The following VIT variants were observed in gnomAD, a reference collection of about 807,000 sequenced individuals.
VIT encodes the protein vitrin.
Under a neutral mutation model 78.0 loss-of-function variants are expected in VIT, and 99 were observed. That is an observed-to-expected ratio of 1.27 (90% CI 1.08 to 1.50). VIT has a LOEUF of 1.50. Ranked by LOEUF, VIT falls within the 40% of genes most tolerant of loss-of-function variation. The pLI, the probability that VIT is intolerant of heterozygous loss-of-function variation, is 0.00. For missense variants in VIT, 1,126 were observed against 875.3 expected (o/e 1.29, Z -3.61); for synonymous variants, 374 against 334.3 (o/e 1.12, Z -1.29).
chr2:36,725,149 G>A (rs11889084), intron 2 of VIT, among the ~76,000 whole-genome samples: 2 of 152,036 alleles, frequency 1.3e-5, no homozygotes, highest in African/African-American at 2.4e-5. Context: ...TCTCTTTCAT[G>A]TTTCTGTTCT....
At chr2:36,749,717 TG>T (rs1668344249) in intron 4 of VIT, among the ~76,000 whole-genome samples, 1 of 152,238 alleles carries the variant, frequency 6.6e-6, no homozygotes, top group Non-Finnish European at 1.5e-5. Context: ...AGCTTTGAGA[TG>T]TGACTCGGGA....
chr2:36,787,489 A>C (rs1439956032), intron 12 of VIT, among the ~76,000 whole-genome samples: 6 of 152,236 alleles, frequency 3.9e-5, no homozygotes, highest in Non-Finnish European at 8.8e-5. Flanking sequence ...CAGATTAAAA[A>C]ACACTTGTAA....
intron 3 of VIT, among the ~76,000 whole-genome samples, chr2:36,738,483 G>T (rs1326652282): frequency 6.6e-6 from 1 of 152,100 alleles, no homozygotes; most frequent in African/African-American, 2.4e-5. Context: ...ACAAACTTCT[G>T]CAGCTGCCCC....
At position 36,752,271 on chromosome 2, in the gene VIT, T is replaced by G. The variant is rs1434066256; in HGVS notation, c.276-2650T>G. The stretch of plus-strand genomic sequence containing the variant: ...GAGAGGAGAGATTTCCCTGAGAAGG[T>G]GCAATGAAAAGACCAGCTCCATGCA... On this transcript the variant is annotated intron_variant, in intron 4 of 15. Transcript: ENST00000379242. 9.2e-5 allele frequency among the ~76,000 whole-genome samples: 14 copies of G among 152,230 alleles called. 1 individual carries two copies. Among genetic ancestry groups the G allele is most frequent in the Admixed American group, 9.2e-4 (14 of 15,282 alleles).
At chr2:36,791,797 G>C (rs926632019) in intron 12 of VIT, among the ~76,000 whole-genome samples, 1 of 152,190 alleles carries the variant, frequency 6.6e-6, no homozygotes, top group Admixed American at 6.5e-5. Context: ...GACCCACGTC[G>C]GACTTGGGAC....
At chr2:36,721,222 C>T (rs560821161) in intron 2 of VIT, among the ~76,000 whole-genome samples, 24 of 152,098 alleles carry the variant, frequency 1.6e-4, no homozygotes, top group Non-Finnish European at 2.9e-4. Flanking sequence ...CATTTCACAA[C>T]GTACACATAT....
At chr2:36,786,447 C>T (rs185016674) in intron 11 of VIT, among the ~76,000 whole-genome samples, 1 of 152,192 alleles carries the variant, frequency 6.6e-6, no homozygotes, top group East Asian at 1.9e-4. Flanking sequence ...CATCCCTTTA[C>T]CTCTCTTATA....
intron 13 of VIT, among the ~76,000 whole-genome samples, chr2:36,804,408 G>A (rs1191897157): frequency 6.6e-6 from 1 of 152,204 alleles, no homozygotes; most frequent in East Asian, 1.9e-4. Context: ...CTCACCCCAG[G>A]CTGCAGGGGG....
intron 3 of VIT, among the ~76,000 whole-genome samples, chr2:36,740,331 A>G (rs958176492): frequency 1.3e-5 from 2 of 152,200 alleles, no homozygotes; most frequent in Non-Finnish European, 2.9e-5. Flanking sequence ...CTACCTCACA[A>G]ATAACTGGGA....
chr2:36,777,956 T>C (rs1670170934), intron 9 of VIT, among the ~76,000 whole-genome samples: 1 of 152,124 alleles, frequency 6.6e-6, no homozygotes, highest in South Asian at 2.1e-4. Context: ...AGCAGTTACA[T>C]GTGGACCTGA....
Position 36,808,852 on chromosome 2 carries a change from G to A in VIT, c.1770G>A (p.Gly590=), listed in dbSNP as rs1347229816. The stretch of plus-strand genomic sequence containing the variant: ...ACTGGAGTGGTGGCACCAGCACGGG[G>A]GCTGCCATCAACTTCGCCCTGGAGC... The part of the protein sequence containing the change: ...VGYWSGGTST[G]AAINFALEQL... The change falls in exon 15 of 16, where the codon GGG becomes GGA. Residue 590 remains glycine, a synonymous_variant. Coordinates refer to ENST00000379242, the MANE Select transcript of VIT (RefSeq NM_053276.4). 1 of 1,614,176 alleles carries A rather than the reference G, an allele frequency of 6.2e-7. No homozygotes were observed. The highest frequency in any genetic ancestry group is 8.5e-7 in the Non-Finnish European group (1 of 1,180,030).
At chr2:36,774,556 C>A (rs1669940611) in intron 8 of VIT, 3 of 985,448 alleles carry the variant, frequency 3.0e-6, no homozygotes, top group Non-Finnish European at 3.6e-6. Flanking sequence ...GGATACTCGT[C>A]CACTCTCCAC....
intron 1 of VIT, among the ~76,000 whole-genome samples, chr2:36,704,869 G>A (rs1665313666): frequency 6.6e-6 from 1 of 152,074 alleles, no homozygotes. Flanking sequence ...TATCTCAGCT[G>A]GAAAGTTTTG....
At chr2:36,757,351 C>T (rs1286165908) in intron 5 of VIT, among the ~76,000 whole-genome samples, 1 of 152,210 alleles carries the variant, frequency 6.6e-6, no homozygotes, top group Non-Finnish European at 1.5e-5. Flanking sequence ...GATCTTTACA[C>T]AGTCCAGGGA....
intron 1 of VIT, among the ~76,000 whole-genome samples, chr2:36,697,686 C>T (rs1365865942): frequency 1.3e-5 from 2 of 152,186 alleles, no homozygotes; most frequent in East Asian, 3.8e-4. Context: ...ACGCCTCAAG[C>T]ACAGGTTAAA....
intron 1 of VIT, among the ~76,000 whole-genome samples, chr2:36,703,785 T>A (rs527288321): frequency 5.9e-5 from 9 of 152,208 alleles, no homozygotes; most frequent in African/African-American, 1.9e-4. Context: ...GATAAAATCA[T>A]CTTGTACAGT....
rs201691011 is a variant in VIT, at chr2:36,743,153, T to A, written c.172T>A (p.Phe58Ile). ...VKAGKIIDPE[F>I]IVKCPAGCQD... ...AGCCGGAAAGATCATCGATCCTGAG[T>A]TCATTGTGAAATGTCCAGCAGGATG... The change falls in exon 4 of 16, where the codon TTC (phenylalanine) becomes ATC (isoleucine). Residue 58 changes from phenylalanine (F) to isoleucine (I), a missense_variant. By Grantham distance (21) the Phe-to-Ile change is conservative. Coordinates refer to ENST00000379242, the MANE Select transcript of VIT (RefSeq NM_053276.4). The A allele has an allele frequency of 3.1e-6, 5 of 1,613,960 alleles. No homozygotes were observed. Among genetic ancestry groups the A allele is most frequent in the South Asian group, 2.2e-5 (2 of 91,074 alleles).
At chr2:36,796,987 TA>T (rs1665949020) in intron 12 of VIT, among the ~76,000 whole-genome samples, 2 of 152,172 alleles carry the variant, frequency 1.3e-5, no homozygotes, top group South Asian at 4.1e-4. Flanking sequence ...ATAACTAATG[TA>T]AAAAATGTAC....
chr2:36,789,278 G>A (rs1443659529), intron 12 of VIT, among the ~76,000 whole-genome samples: 2 of 152,160 alleles, frequency 1.3e-5, no homozygotes, highest in East Asian at 1.9e-4. Context: ...GCTGCCATCT[G>A]CATAGCAAGA....
Sources: gnomAD v4.1 joint callset for allele counts (sites outside exome capture counted in the v4.1 genomes callset) on GRCh38, gnomAD v4.1.1 for gene constraint, MANE v1.5 for transcripts, NCBI Gene and HGNC (gene_info 2026-07-23, HGNC 2026-07-21) for gene names.